Variants in NCAPD3 observed in about 807,000 individuals in gnomAD.
The protein encoded by NCAPD3 is condensin-2 complex subunit D3.
In NCAPD3, 105 loss-of-function variants were observed where a neutral mutation model predicts 182.9. The observed-to-expected ratio is 0.57, with a 90% CI of 0.49 to 0.68. NCAPD3 has a LOEUF of 0.68. Among genes scored for constraint, NCAPD3 ranks in the 30% least tolerant of loss-of-function variants. The pLI, the probability that NCAPD3 is intolerant of heterozygous loss-of-function variation, is 0.00. For missense variants in NCAPD3, 1,944 were observed against 1,837.0 expected, an observed-to-expected ratio of 1.06 and a Z score of -1.07; for synonymous variants, 815 against 679.9, an observed-to-expected ratio of 1.20 and a Z score of -3.09.
At chr11:134,212,401 G>GTGTGTGTGTC (rs1555142807) in intron 3 of NCAPD3, among the ~76,000 whole-genome samples, 2 of 151,840 alleles carry the variant, frequency 1.3e-5, no homozygotes, top group Non-Finnish European at 2.9e-5. Context: ...GTGTGTGTGT[G>GTGTGTGTGTC]TGTGTGTGTT....
chr11:134,167,348 G>T (rs1246415901), intron 27 of NCAPD3, among the ~76,000 whole-genome samples: 1 of 58,144 alleles, frequency 1.7e-5, no homozygotes, highest in Non-Finnish European at 3.0e-5. Flanking sequence ...GCACACTCGT[G>T]AGATGAGCTT....
chr11:134,195,364 AG>A (rs1944606719), intron 13 of NCAPD3, among the ~76,000 whole-genome samples: 1 of 152,102 alleles, frequency 6.6e-6, no homozygotes, highest in Non-Finnish European at 1.5e-5. Context: ...CTCCCAAAGC[AG>A]TGAAATTATA....
At chr11:134,203,246 T>G (rs368665120) in intron 11 of NCAPD3, 48 bp from the exon 12 acceptor site, 97 of 1,306,084 alleles carry the variant, frequency 7.4e-5, no homozygotes, top group Middle Eastern at 3.7e-4. Context: ...TATCATAAAC[T>G]GAGTAATTAT....
chr11:134,164,963 C>T (rs913589218), intron 27 of NCAPD3, among the ~76,000 whole-genome samples: 21 of 144,340 alleles, frequency 1.5e-4, no homozygotes, highest in Non-Finnish European at 2.7e-4. Flanking sequence ...GTGACATAAG[C>T]TTAGGGGAGT....
Position 134,220,670 on chromosome 11 carries a change from T to C in NCAPD3, c.121A>G (p.Ser41Gly). ...DFTETEPLDP[S>G]IEAEIIETGL... Reference sequence around the variant, plus strand: ...GTCTCTATGATCTCTGCTTCTATGCTGGGATCCAAAGGCTCAGTCTCTGTG... The same window carrying C: ...GTCTCTATGATCTCTGCTTCTATGCCGGGATCCAAAGGCTCAGTCTCTGTG... The change falls in exon 2 of 35, where the codon AGC becomes GGC. Residue 41 changes from serine (S) to glycine (G), a missense_variant. Around this residue, in one of 3 missense-constraint regions of NCAPD3, gnomAD observed 131 missense variants for 133.9 expected, o/e 0.98. Transcript: ENST00000534548. 2 of 1,614,046 alleles carry C rather than the reference T, an allele frequency of 1.2e-6. No homozygotes were observed. The highest frequency in any genetic ancestry group is 1.7e-6 in the Non-Finnish European group (2 of 1,179,866).
At chr11:134,159,543 C>A (rs1476290769) in intron 29 of NCAPD3, among the ~76,000 whole-genome samples, 7 of 152,210 alleles carry the variant, frequency 4.6e-5, no homozygotes, top group Non-Finnish European at 1.0e-4. Flanking sequence ...CGGTGAGCAA[C>A]AGCTACTCCT....
At chr11:134,222,198 T>C (rs760642653) in intron 1 of NCAPD3, among the ~76,000 whole-genome samples, 51 of 152,342 alleles carry the variant, frequency 3.3e-4, no homozygotes, top group African/African-American at 5.3e-4. Context: ...AATCTCTCAC[T>C]ACCTATTTTC....
chr11:134,214,179 AG>A (rs1476012519), intron 3 of NCAPD3, among the ~76,000 whole-genome samples: 1 of 152,064 alleles, frequency 6.6e-6, no homozygotes, highest in Non-Finnish European at 1.5e-5. Context: ...TTAAAAAAAA[AG>A]GCACAACTAA....
intron 31 of NCAPD3, among the ~76,000 whole-genome samples, 165 bp downstream of exon 31, chr11:134,157,763 G>C (rs1316908348): frequency 6.6e-6 from 1 of 152,162 alleles, no homozygotes; most frequent in Admixed American, 6.5e-5. Flanking sequence ...AAATCTCCTA[G>C]AATAAATATG....
chr11:134,215,843 A>C (rs1937999823), intron 3 of NCAPD3, among the ~76,000 whole-genome samples: 1 of 152,198 alleles, frequency 6.6e-6, no homozygotes, highest in African/African-American at 2.4e-5. Context: ...GAACAACCAA[A>C]ACGATCCTGA....
chr11:134,224,832 C>T (rs540769928), upstream of NCAPD3: 29 of 158,262 alleles, frequency 1.8e-4, no homozygotes, highest in East Asian at 4.7e-3. Context: ...CGCCCACTGC[C>T]ACCGGCCGCG....
chr11:134,202,856 C>T lies in NCAPD3; in HGVS notation c.1575G>A (p.Glu525=). The part of the protein sequence containing the change: ...QTSNRSEPSG[E]INIDSSGETV... ...TTTCACCACTGCTGTCTATGTTGATCTCCCCTGAGGGTTCGGAACGGTTAG... is the reference window on the plus strand; with the variant it reads ...TTTCACCACTGCTGTCTATGTTGATTTCCCCTGAGGGTTCGGAACGGTTAG... The change falls in exon 13 of 35, where the codon GAG becomes GAA. Residue 525 remains glutamate (E), a synonymous_variant. Coordinates refer to ENST00000534548, the MANE Select transcript of NCAPD3 (RefSeq NM_015261.3). 1.2e-6 allele frequency: 2 copies of T among 1,608,884 alleles called. No individual in the cohort carries two copies. The highest frequency in any genetic ancestry group is 1.7e-4 in the Middle Eastern group (1 of 6,024).
At chr11:134,153,651 T>C in intron 32 of NCAPD3, 1 of 480,668 alleles carries the variant, frequency 2.1e-6, no homozygotes, top group Middle Eastern at 6.0e-4. Context: ...TCTTCCATCA[T>C]TGCCCCTGTC....
intron 28 of NCAPD3, 143 bp downstream of exon 28, chr11:134,161,638 C>T (rs1943582578): frequency 1.5e-6 from 1 of 655,188 alleles, no homozygotes; most frequent in African/African-American, 1.9e-5. Flanking sequence ...CCTAGCTCCA[C>T]AGCAGTTACC....
intron 13 of NCAPD3, among the ~76,000 whole-genome samples, chr11:134,201,492 C>T (rs1417714161): frequency 6.6e-6 from 1 of 152,164 alleles, no homozygotes; most frequent in African/African-American, 2.4e-5. Context: ...CTACATTATA[C>T]ACTTTCCATG....
chr11:134,215,953 C>T (rs1184734472), intron 3 of NCAPD3, among the ~76,000 whole-genome samples: 1 of 152,160 alleles, frequency 6.6e-6, no homozygotes, highest in Non-Finnish European at 1.5e-5. Flanking sequence ...ATACGGCTTG[C>T]TGGAAAGCTG....
chr11:134,182,167 T>C (rs1453274781), intron 19 of NCAPD3, among the ~76,000 whole-genome samples: 1 of 152,204 alleles, frequency 6.6e-6, no homozygotes. Flanking sequence ...CTAGTAAGTT[T>C]CGGTATCACA....
chr11:134,218,035 C>A (rs1050112532), intron 2 of NCAPD3, among the ~76,000 whole-genome samples: 1 of 141,674 alleles, frequency 7.1e-6, no homozygotes, highest in Non-Finnish European at 1.5e-5. Context: ...TAAGTTGAGG[C>A]TGCAGTAAGC....
At chr11:134,219,952 C>A (rs550258380) in intron 2 of NCAPD3, among the ~76,000 whole-genome samples, 13 of 152,174 alleles carry the variant, frequency 8.5e-5, no homozygotes, top group Admixed American at 2.0e-4. Flanking sequence ...CCCGCCACCA[C>A]AACCGGCTAA....
Sources: allele counts gnomAD v4.1 joint callset (sites outside exome capture counted in the v4.1 genomes callset), GRCh38; gene constraint gnomAD v4.1.1; regional missense constraint gnomAD v4.1.1; transcripts MANE v1.5; gene names NCBI Gene and HGNC (gene_info 2026-07-23, HGNC 2026-07-21).